The following CARF variants were observed in gnomAD, a reference collection of about 807,000 sequenced individuals.
CARF encodes the protein calcium responsive transcription factor.
A neutral mutation model predicts 82.0 loss-of-function variants in CARF; 57 were observed. That is an observed-to-expected ratio of 0.70 (90% CI 0.56 to 0.87). CARF has a LOEUF of 0.87. Ranked by LOEUF, CARF falls within the 40% of genes least tolerant of loss-of-function variation. CARF has a pLI of 0.00. For missense variants in CARF, 771 were observed against 855.8 expected (o/e 0.90, Z 1.24); for synonymous variants, 268 against 290.1 (o/e 0.92, Z 0.77).
At chr2:202,957,732 A>C (rs1437799595) in intron 8 of CARF, among the ~76,000 whole-genome samples, 2 of 152,136 alleles carry the variant, frequency 1.3e-5, no homozygotes, top group East Asian at 3.8e-4. Context: ...AAGCGGGCAG[A>C]TCACTTGAGG....
intron 3 of CARF, among the ~76,000 whole-genome samples, chr2:202,927,605 G>C (rs527910639): frequency 1.3e-5 from 2 of 151,906 alleles, no homozygotes; most frequent in Non-Finnish European, 2.9e-5. Context: ...GTGATATTTT[G>C]ATACATGTAT....
chr2:202,945,672 G>A lies in CARF; in HGVS notation c.306+2705G>A, dbSNP rs191964530. On this transcript the variant is annotated intron_variant, in intron 5 of 16. Transcript: ENST00000438828. Reference sequence around the variant, plus strand: ...CTTTTTTATGGCTGCATAGTATTCCGTGGTGTATATGTACCACATTTTCTT... The same window carrying A: ...CTTTTTTATGGCTGCATAGTATTCCATGGTGTATATGTACCACATTTTCTT... Among the ~76,000 whole-genome samples, 45 of 152,190 alleles carry A rather than the reference G, an allele frequency of 3.0e-4. 1 individual carries two copies. In the East Asian group the frequency reaches 7.9e-3, roughly 27 times the overall value.
At chr2:202,966,215 C>A (rs1038000878) in intron 9 of CARF, among the ~76,000 whole-genome samples, 6 of 152,060 alleles carry the variant, frequency 3.9e-5, no homozygotes, top group African/African-American at 1.4e-4. Context: ...GTAAGTCTAG[C>A]CCATATTCAA....
At chr2:202,961,525 C>A (rs1247960462) in intron 9 of CARF, 99 bp downstream of exon 9, 3 of 1,034,214 alleles carry the variant, frequency 2.9e-6, no homozygotes, top group African/African-American at 3.2e-5. Context: ...ATTTTGGTAG[C>A]TGACAATTGA....
At chr2:202,976,185 T>G (rs542544343) in intron 13 of CARF, among the ~76,000 whole-genome samples, 1 of 152,096 alleles carries the variant, frequency 6.6e-6, no homozygotes, top group African/African-American at 2.4e-5. Context: ...TCATACTTTT[T>G]TTTTTTTGAG....
chr2:202,917,071 C>T (rs1193929811), intron 1 of CARF, among the ~76,000 whole-genome samples: 1 of 151,544 alleles, frequency 6.6e-6, no homozygotes, highest in Non-Finnish European at 1.5e-5. Context: ...ATTAGCCGGG[C>T]GTAGTGGCGG....
chr2:202,976,258 T>A (rs1453237454), intron 13 of CARF, among the ~76,000 whole-genome samples: 1 of 151,686 alleles, frequency 6.6e-6, no homozygotes, highest in African/African-American at 2.4e-5. Flanking sequence ...CAGTGCAACC[T>A]CCATCTCCCA....
At chr2:202,980,603 T>C (rs1303052991) in intron 14 of CARF, among the ~76,000 whole-genome samples, 1 of 113,448 alleles carries the variant, frequency 8.8e-6, no homozygotes, top group African/African-American at 3.5e-5. Flanking sequence ...GTTACAGATA[T>C]AGCGTCTTTC....
intron 9 of CARF, 25 bp from the exon 10 acceptor site, chr2:202,966,953 A>T (rs1303161448): frequency 2.5e-6 from 4 of 1,609,100 alleles, no homozygotes; most frequent in African/African-American, 1.3e-5. Context: ...TTGAATTAAT[A>T]TCAATAGTTG....
chr2:202,961,412 C>T lies in CARF; in HGVS notation c.818C>T (p.Pro273Leu), dbSNP rs2059315458. The T allele has an allele frequency of 6.2e-7, 1 of 1,613,764 alleles. No individual in the cohort carries two copies. The highest frequency in any genetic ancestry group is 1.7e-5 in the Admixed American group (1 of 59,994). ...KSQYVPYDGI[P>L]FVNAGSRAVV... ...CAGTATGTTCCATATGATGGAATCCCATTTGTTAATGCAGGTACTTTTTTA... is the reference window on the plus strand; with the variant it reads ...CAGTATGTTCCATATGATGGAATCCTATTTGTTAATGCAGGTACTTTTTTA... The change falls in exon 9 of 17, where the codon CCA becomes CTA. Residue 273 changes from proline to leucine, a missense_variant. By Grantham distance (98) the Pro-to-Leu change is moderately conservative. Coordinates refer to ENST00000438828, the MANE Select transcript of CARF (RefSeq NM_024744.17).
rs1457108326 is a variant in CARF, at chr2:202,986,379, A to G, written c.*2755A>G. 2 of 152,158 alleles carry G rather than the reference A, an allele frequency of 1.3e-5. No individual in the cohort carries two copies. Among genetic ancestry groups the G allele is most frequent in the East Asian group, 3.8e-4 (2 of 5,202 alleles). The allele number at this position is 152,158 out of a possible 1,614,324, so 9.4% of individuals were successfully genotyped here. On this transcript the variant is annotated 3_prime_UTR_variant, in exon 17 of 17. Transcript: ENST00000438828. The stretch of plus-strand genomic sequence containing the variant: ...TATATTGGCTTTCTCTAACAGCTCT[A>G]CAGCAAAGTTTGACATGTTTTTTGT...
chr2:202,958,877 C>T (rs1443187159), intron 8 of CARF, among the ~76,000 whole-genome samples: 3 of 146,750 alleles, frequency 2.0e-5, no homozygotes, highest in African/African-American at 5.1e-5. Flanking sequence ...TGTACTCCAG[C>T]CTGGTGACAG....
chr2:202,977,590 C>T (rs1255982893), intron 14 of CARF, among the ~76,000 whole-genome samples: 1 of 152,214 alleles, frequency 6.6e-6, no homozygotes, highest in African/African-American at 2.4e-5. Flanking sequence ...TTCACTAAGT[C>T]TGGCTAATTC....
intron 8 of CARF, among the ~76,000 whole-genome samples, chr2:202,960,216 G>T (rs906759751): frequency 6.6e-6 from 1 of 151,888 alleles, no homozygotes; most frequent in Admixed American, 6.6e-5. Flanking sequence ...ACTATTTTTG[G>T]TACTAAGACC....
chr2:202,920,072 T>G (rs1037864720), intron 2 of CARF, among the ~76,000 whole-genome samples: 1 of 152,138 alleles, frequency 6.6e-6, no homozygotes, highest in Admixed American at 6.5e-5. Flanking sequence ...GTAGAGTGAT[T>G]GTTGATAATT....
At chr2:202,977,192 G>T in intron 13 of CARF, 77 bp from the exon 14 acceptor site, 1 of 1,035,710 alleles carries the variant, frequency 9.7e-7, no homozygotes. Flanking sequence ...AATAAAATAT[G>T]ACAGTCGTAA....
intron 9 of CARF, among the ~76,000 whole-genome samples, chr2:202,966,046 C>T (rs181229750): frequency 4.6e-5 from 7 of 152,264 alleles, no homozygotes; most frequent in Admixed American, 1.3e-4. Context: ...GTGGGCCTTT[C>T]CACAGAGCTC....
chr2:202,942,676 T>G, intron 4 of CARF, 64 bp from the exon 5 acceptor site: 1 of 1,267,848 alleles, frequency 7.9e-7, no homozygotes, highest in Non-Finnish European at 1.1e-6. Context: ...TTTTCATTTT[T>G]ATTATACACA....
chr2:202,941,888 G>T lies in CARF; in HGVS notation c.-15G>T. On this transcript the variant is annotated 5_prime_UTR_variant, in exon 4 of 17. Coordinates refer to ENST00000438828, the MANE Select transcript of CARF (RefSeq NM_024744.17). ...TTAAATAATAGAAGAAAATGGAATT[G>T]AATATGATGTCAGCATGGAACAATC... 6.2e-7 allele frequency: 1 copy of T among 1,600,686 alleles called. No individual in the cohort carries two copies. The highest frequency in any genetic ancestry group is 1.1e-5 in the South Asian group (1 of 90,568).
Sources: gnomAD v4.1 joint callset for allele counts (sites outside exome capture counted in the v4.1 genomes callset) on GRCh38, gnomAD v4.1.1 for gene constraint, MANE v1.5 for transcripts, NCBI Gene and HGNC (gene_info 2026-07-23, HGNC 2026-07-21) for gene names.